The following ZNF814 variants were observed in gnomAD, a reference collection of about 807,000 sequenced individuals.
The protein encoded by ZNF814 is zinc finger protein 814.
In ZNF814, 5 loss-of-function variants were observed where a neutral mutation model predicts 7.5. That is an observed-to-expected ratio of 0.67 (90% CI 0.35 to 1.40). ZNF814 has a LOEUF of 1.40. Among genes scored for constraint, ZNF814 ranks in the 40% most tolerant of loss-of-function variants. ZNF814 has a pLI of 0.04. For missense variants in ZNF814, 962 were observed against 1,018.0 expected, an observed-to-expected ratio of 0.94 and a Z score of 0.75; for synonymous variants, 315 against 340.7, an observed-to-expected ratio of 0.92 and a Z score of 0.83.
In ZNF814 at chr19:57,872,803, T is replaced by C. The variant is rs756192498; in HGVS notation, c.*19A>G. On this transcript the variant is annotated 3_prime_UTR_variant, in exon 3 of 3. Coordinates refer to ENST00000435989, the MANE Select transcript of ZNF814 (RefSeq NM_001144989.2). ...TGAGGTGGTCCTTCTTGCTAAAAAC[T>C]TTCTGACAATCCTCACACTCATATG... 5.0e-5 allele frequency: 80 copies of C among 1,607,544 alleles called. No individual in the cohort carries two copies. The highest frequency in any genetic ancestry group is 6.4e-5 in the Non-Finnish European group (75 of 1,176,218).
rs748131961 is a variant in ZNF814 at position 57,877,036 on chromosome 19, C to A, written c.43G>T (p.Val15Leu). The A allele has an allele frequency of 6.2e-7, 1 of 1,613,986 alleles. No homozygotes were observed. Among genetic ancestry groups the A allele is most frequent in the Non-Finnish European group, 8.5e-7 (1 of 1,179,976 alleles). The change falls in exon 2 of 3, where the codon GTG becomes TTG. Residue 15 changes from valine (V) to leucine (L), a missense_variant. Around this residue, in one of 7 missense-constraint regions of ZNF814, gnomAD observed 63 missense variants for 65.0 expected, o/e 0.97. Transcript: ENST00000435989. ...ATLRLSAQGT[V>L]TFEDVAVNFT... ...TTCACAGCCACATCTTCAAAAGTCA[C>A]TGTGCCCTGTTATGATGTTGACAGA... is the stretch of plus-strand genomic sequence containing the variant.
At chr19:57,892,252 C>T (rs563253392), upstream of ZNF814, among the ~76,000 whole-genome samples, 7 of 152,316 alleles carry the variant, frequency 4.6e-5, no homozygotes, top group East Asian at 1.3e-3. Flanking sequence ...TTCATTGACA[C>T]TGAAGAAACC....
intron 1 of ZNF814, among the ~76,000 whole-genome samples, chr19:57,886,495 T>C (rs576919611): frequency 2.6e-5 from 4 of 152,122 alleles, no homozygotes; most frequent in African/African-American, 9.7e-5. Context: ...TAGAGCACAC[T>C]TGACATAACT....
At chr19:57,880,485 G>C (rs1399844820) in intron 1 of ZNF814, among the ~76,000 whole-genome samples, 3 of 151,596 alleles carry the variant, frequency 2.0e-5, no homozygotes, top group African/African-American at 7.3e-5. Flanking sequence ...TATGGACTTA[G>C]GGCCTAGGGT....
Position 57,871,572 on chromosome 19 carries a change from G to A in ZNF814, c.*1250C>T, listed in dbSNP as rs2071557245. ...CATAATAGCACAAACCGGAGAAATG[G>A]GAGGCAAGCTGTTCTTAGGATCATG... On this transcript the variant is annotated 3_prime_UTR_variant, in exon 3 of 3. Transcript: ENST00000435989. 2 of 152,100 alleles carry A rather than the reference G, an allele frequency of 1.3e-5. No individual in the cohort carries two copies. Among genetic ancestry groups the A allele is most frequent in the Non-Finnish European group, 2.9e-5 (2 of 68,032 alleles). The allele number at this position is 152,100 out of a possible 1,614,324, so 9.4% of individuals were successfully genotyped here.
At chr19:57,905,010 G>C in the ZNF814 span, among the ~76,000 whole-genome samples, 37 of 134,306 alleles carry the variant, frequency 2.8e-4, no homozygotes. Context: ...TTGTGCCATT[G>C]CACTCCAGCC....
At chr19:57,888,429 T>C (rs1168631792) in intron 1 of ZNF814, among the ~76,000 whole-genome samples, 1 of 152,176 alleles carries the variant, frequency 6.6e-6, no homozygotes, top group East Asian at 1.9e-4. Context: ...TTCGAAAATC[T>C]CCATGCCTTC....
In ZNF814 at chr19:57,877,439, A is replaced by C. The variant is rs577365675; in HGVS notation, c.37-397T>G. Among the ~76,000 whole-genome samples, 57 of 151,586 alleles carry C rather than the reference A, an allele frequency of 3.8e-4. 1 individual carries two copies. In the East Asian group the frequency reaches 5.2e-3, roughly 14 times the overall value. ...CTGGCCTTTAAACAACTTAAAGTAT[A>C]TTTTTTTGTTTGTTTGTTTGTTTGA... On this transcript the variant is annotated intron_variant, in intron 1 of 2. Coordinates refer to ENST00000435989, the MANE Select transcript of ZNF814 (RefSeq NM_001144989.2).
Position 57,872,788 on chromosome 19 carries a change from C to G in ZNF814, c.*34G>C. On this transcript the variant is annotated 3_prime_UTR_variant, in exon 3 of 3. Transcript: ENST00000435989. Reference sequence around the variant, plus strand: ...CTCTCTGGTGTGCAATGAGGTGGTCCTTCTTGCTAAAAACTTTCTGACAAT... The same window carrying G: ...CTCTCTGGTGTGCAATGAGGTGGTCGTTCTTGCTAAAAACTTTCTGACAAT... The G allele has an allele frequency of 1.2e-6, 2 of 1,605,580 alleles. No individual in the cohort carries two copies. The highest frequency in any genetic ancestry group is 1.7e-6 in the Non-Finnish European group (2 of 1,175,540).
At chr19:57,884,388 A>T (rs2071672706) in intron 1 of ZNF814, among the ~76,000 whole-genome samples, 1 of 152,174 alleles carries the variant, frequency 6.6e-6, no homozygotes, top group Non-Finnish European at 1.5e-5. Context: ...TGAGGCAGAA[A>T]GACCACTTGA....
At chr19:57,901,303 A>G in the ZNF814 span, among the ~76,000 whole-genome samples, 2 of 152,124 alleles carry the variant, frequency 1.3e-5, no homozygotes, top group Admixed American at 1.3e-4. Context: ...ATACAATTAC[A>G]CCTCGCTTTA....
At chr19:57,904,861 A>T in the ZNF814 span, among the ~76,000 whole-genome samples, 1 of 151,680 alleles carries the variant, frequency 6.6e-6, no homozygotes, top group Non-Finnish European at 1.5e-5. Context: ...GACTAGCTTG[A>T]TCAACATGGA....
At chr19:57,902,729 A>C in the ZNF814 span, among the ~76,000 whole-genome samples, 1 of 151,062 alleles carries the variant, frequency 6.6e-6, no homozygotes, top group South Asian at 2.1e-4. Flanking sequence ...GGTGTGATCT[A>C]GGCCCACTGC....
chr19:57,890,860 A>G (rs778227403), upstream of ZNF814, among the ~76,000 whole-genome samples: 1 of 152,066 alleles, frequency 6.6e-6, no homozygotes, highest in African/African-American at 2.4e-5. Context: ...CCCATCTGCA[A>G]CCTCTTTGTG....
upstream of ZNF814, among the ~76,000 whole-genome samples, chr19:57,890,290 C>CTAG (rs10650638): frequency 0.3 from 45,635 of 151,816 alleles, 7,157 homozygotes; most frequent in East Asian, 0.47. Flanking sequence ...TGGAGTCTTA[C>CTAG]TAGTATTACT....
chr19:57,878,478 T>G (rs77968401), intron 1 of ZNF814, among the ~76,000 whole-genome samples: 1 of 150,758 alleles, frequency 6.6e-6, no homozygotes, highest in Non-Finnish European at 1.5e-5. Context: ...TTTTTTTTTT[T>G]GTGATGGAGT....
chr19:57,873,403 C>T lies in ZNF814; in HGVS notation c.1987G>A (p.Gly663Arg). The change falls in exon 3 of 3, where the codon GGG becomes AGG. Residue 663 changes from glycine (G) to arginine (R), a missense_variant. Around this residue, in one of 7 missense-constraint regions of ZNF814, gnomAD observed 665 missense variants for 551.4 expected, o/e 1.21. Transcript: ENST00000435989. ...TGACTAAAACATTTCCCACATTCCC[C>T]ACACTTAAAAGGTCTTTCTGTAGTG... is the stretch of plus-strand genomic sequence containing the variant. ...VHTTERPFKC[G>R]ECGKCFSHKG... The T allele has an allele frequency of 1.9e-6, 3 of 1,611,338 alleles. No individual in the cohort carries two copies. Among genetic ancestry groups the T allele is most frequent in the African/African-American group, 1.3e-5 (1 of 74,950 alleles).
chr19:57,900,759 T>C, the ZNF814 span, among the ~76,000 whole-genome samples: 1 of 151,986 alleles, frequency 6.6e-6, no homozygotes, highest in Non-Finnish European at 1.5e-5. Flanking sequence ...AAAACCTTTT[T>C]TTTGCTTTGC....
intron 1 of ZNF814, among the ~76,000 whole-genome samples, chr19:57,886,645 G>A (rs1331555944): frequency 2.6e-5 from 4 of 152,022 alleles, no homozygotes; most frequent in Admixed American, 6.5e-5. Flanking sequence ...TTCGGAGGCC[G>A]AGGCGAGCGG....
Sources: gnomAD v4.1 joint callset for allele counts (sites outside exome capture counted in the v4.1 genomes callset) on GRCh38, gnomAD v4.1.1 for gene constraint, gnomAD v4.1.1 regional missense constraint, MANE v1.5 for transcripts, NCBI Gene and HGNC (gene_info 2026-07-23, HGNC 2026-07-21) for gene names.